The following RNPC3 variants were observed in gnomAD, a reference collection of about 807,000 sequenced individuals.
The protein encoded by RNPC3 is RNA-binding region-containing protein 3.
RNPC3 carries 48 observed loss-of-function variants against 67.5 expected under a neutral mutation model. The ratio of observed to expected loss-of-function variants is 0.71; its 90% CI spans 0.56 to 0.90. RNPC3 has a LOEUF of 0.90. Among genes scored for constraint, RNPC3 ranks in the 40% least tolerant of loss-of-function variants. The pLI is 0.00. For synonymous variants in RNPC3, 239 were observed against 210.3 expected, an observed-to-expected ratio of 1.14 and a Z score of -1.18; for missense variants, 637 against 626.1, an observed-to-expected ratio of 1.02 and a Z score of -0.19.
At chr1:103,530,287 A>G (rs1253101328) in intron 2 of RNPC3, among the ~76,000 whole-genome samples, 1 of 152,184 alleles carries the variant, frequency 6.6e-6, no homozygotes, top group Non-Finnish European at 1.5e-5. Context: ...AATGCTATGG[A>G]AAAAGGACAA....
chr1:103,526,024 G>C lies in RNPC3; in HGVS notation c.-47G>C. ...CAGCTTGTGTTGATGCCGCGATTTT[G>C]ACTGAGACTTCTTCCCACGATTTCT... On this transcript the variant is annotated 5_prime_UTR_variant, in exon 1 of 15. An upstream open reading frame in the 5' UTR loses its in-frame stop. Coordinates refer to ENST00000423855, the MANE Select transcript of RNPC3 (RefSeq NM_017619.4). 6.9e-7 allele frequency: 1 copy of C among 1,442,818 alleles called. No individual in the cohort carries two copies. Among genetic ancestry groups the C allele is most frequent in the Non-Finnish European group, 9.3e-7 (1 of 1,073,516 alleles). The allele number at this position is 1,442,818 out of a possible 1,614,324, so 89.4% of individuals were successfully genotyped here. A position where few individuals can be genotyped will look rare whatever the true frequency, so the allele number is the denominator to read the frequency against.
At chr1:103,539,454 T>C (rs536160794) in intron 7 of RNPC3, among the ~76,000 whole-genome samples, 103 of 152,264 alleles carry the variant, frequency 6.8e-4, no homozygotes, top group Non-Finnish European at 1.3e-3. Flanking sequence ...GCCTGATAGA[T>C]GGTTACTTTA....
intron 14 of RNPC3, chr1:103,553,755 T>A (rs1372664750): frequency 1.3e-5 from 2 of 152,236 alleles, no homozygotes; most frequent in Non-Finnish European, 2.9e-5. Context: ...CATTGAAAAT[T>A]AAGATGTCTG....
At chr1:103,547,517 A>G (rs1046968218) in intron 12 of RNPC3, among the ~76,000 whole-genome samples, 12 of 152,216 alleles carry the variant, frequency 7.9e-5, no homozygotes, top group Middle Eastern at 3.2e-3. Context: ...TTTCATGGGT[A>G]GGACTCATGA....
At chr1:103,546,778 T>G (rs1651253567) in intron 11 of RNPC3, 199 bp from the exon 12 acceptor site, 1 of 435,884 alleles carries the variant, frequency 2.3e-6, no homozygotes, top group East Asian at 3.6e-5. Flanking sequence ...ATCACCACAA[T>G]TTCTGCCTTT....
In RNPC3 at chr1:103,549,559, A is replaced by G. The variant is rs542409184; in HGVS notation, c.1362-1382A>G. Among the ~76,000 whole-genome samples the G allele has an allele frequency of 5.9e-5, 9 of 152,238 alleles. No individual in the cohort carries two copies. In the South Asian group the frequency reaches 1.9e-3, roughly 31 times the overall value. ...TTACTGCATTTTTTGATAGTTTTTT[A>G]TGTATTACTTTGGTAGTCTCATAGA... is the stretch of plus-strand genomic sequence containing the variant. On this transcript the variant is annotated intron_variant, in intron 12 of 14. Transcript: ENST00000423855.
At chr1:103,534,925 C>T in intron 4 of RNPC3, 68 bp downstream of exon 4, 1 of 854,692 alleles carries the variant, frequency 1.2e-6, no homozygotes, top group Non-Finnish European at 1.8e-6. Flanking sequence ...AGATATCTTA[C>T]TGCTTTTTGC....
At chr1:103,534,991 T>C (rs1178509573) in intron 4 of RNPC3, 134 bp downstream of exon 4, 4 of 554,224 alleles carry the variant, frequency 7.2e-6, no homozygotes, top group African/African-American at 5.8e-5. Flanking sequence ...TTGTGTTATA[T>C]ACAGATATCT....
Position 103,542,225 on chromosome 1 carries a change from G to C in RNPC3, c.893+750G>C, listed in dbSNP as rs141964756. 9.3e-3 allele frequency among the ~76,000 whole-genome samples: 1,408 copies of C among 152,106 alleles called. 23 individuals carry two copies. The highest frequency in any genetic ancestry group is 0.032 in the African/African-American group (1,345 of 41,540). Reference sequence around the variant, plus strand: ...GAGAAAAGAGAGGTCACAGCCAGTTGAGAAATTTGAAAAGGTTGTAAGAGA... The same window carrying C: ...GAGAAAAGAGAGGTCACAGCCAGTTCAGAAATTTGAAAAGGTTGTAAGAGA... On this transcript the variant is annotated intron_variant, in intron 8 of 14. Coordinates refer to ENST00000423855, the MANE Select transcript of RNPC3 (RefSeq NM_017619.4).
intron 6 of RNPC3, 116 bp from the exon 7 acceptor site, chr1:103,537,226 T>G (rs2101046055): frequency 1.4e-6 from 1 of 721,454 alleles, no homozygotes; most frequent in East Asian, 2.8e-5. Context: ...ATGTGTAGAA[T>G]GTGTTAAAAA....
intron 12 of RNPC3, among the ~76,000 whole-genome samples, chr1:103,549,429 T>G (rs1651331744): frequency 6.6e-6 from 1 of 152,216 alleles, no homozygotes; most frequent in Non-Finnish European, 1.5e-5. Context: ...ATACCTCTTC[T>G]TACCAGAATG....
chr1:103,530,048 A>G (rs373676488), intron 2 of RNPC3, among the ~76,000 whole-genome samples: 96 of 145,526 alleles, frequency 6.6e-4, no homozygotes, highest in African/African-American at 2.4e-3. Flanking sequence ...TCTCGAAACC[A>G]TCTTCTCCCC....
At chr1:103,554,497 G>A (rs370982933) in intron 14 of RNPC3, 1 of 152,708 alleles carries the variant, frequency 6.5e-6, no homozygotes, top group African/African-American at 2.4e-5. Context: ...GAACCACCAA[G>A]GAAGAGTTTT....
intron 1 of RNPC3, 118 bp downstream of exon 1, chr1:103,526,380 G>A (rs1199935193): frequency 1.3e-6 from 1 of 765,986 alleles, no homozygotes; most frequent in East Asian, 2.9e-5. Flanking sequence ...TGTGATGAGA[G>A]CTCCCCCATC....
At chr1:103,535,239 G>T in intron 4 of RNPC3, 91 bp from the exon 5 acceptor site, 1 of 741,624 alleles carries the variant, frequency 1.3e-6, no homozygotes, top group Non-Finnish European at 2.2e-6. Flanking sequence ...TGTATCATTT[G>T]AGCAGTGTGT....
intron 11 of RNPC3, 184 bp downstream of exon 11, chr1:103,546,526 T>G (rs1379186601): frequency 1.1e-5 from 4 of 378,464 alleles, no homozygotes; most frequent in Non-Finnish European, 1.9e-5. Flanking sequence ...TCTCATAGCT[T>G]GGGTTCTCTG....
chr1:103,528,266 T>C (rs1401124846), intron 2 of RNPC3, among the ~76,000 whole-genome samples: 2 of 152,092 alleles, frequency 1.3e-5, no homozygotes, highest in African/African-American at 4.8e-5. Flanking sequence ...GAGAGAGGTA[T>C]TGAGTTTGGT....
In RNPC3 at chr1:103,555,042, G is replaced by A. The variant is rs1415547952; in HGVS notation, c.*21G>A. ...CTTTTATGATGTTTTAGGTTTTTTT[G>A]AATCCCGTGTCCTTCAAGTGCTTTC... On this transcript the variant is annotated 3_prime_UTR_variant, in exon 15 of 15. Transcript: ENST00000423855. The A allele has an allele frequency of 6.6e-6, 1 of 151,108 alleles. No individual in the cohort carries two copies. The highest frequency in any genetic ancestry group is 1.5e-5 in the Non-Finnish European group (1 of 67,792). 9.4% of individuals were successfully genotyped at this position (151,108 alleles called of 1,614,324 possible). A position where few individuals can be genotyped will look rare whatever the true frequency, so the allele number is the denominator to read the frequency against.
intron 12 of RNPC3, among the ~76,000 whole-genome samples, chr1:103,550,175 T>A (rs190709578): frequency 6.6e-5 from 10 of 151,424 alleles, no homozygotes; most frequent in African/African-American, 2.4e-4. Flanking sequence ...AAAATAATAA[T>A]AATCATAATA....
Sources: allele counts gnomAD v4.1 joint callset (sites outside exome capture counted in the v4.1 genomes callset), GRCh38; gene constraint gnomAD v4.1.1; transcripts MANE v1.5; gene names NCBI Gene and HGNC (gene_info 2026-07-23, HGNC 2026-07-21).